TMEM43: variants seen among roughly 807,000 people sequenced by gnomAD.
TMEM43 encodes the protein arrhythmogenic right ventricular dysplasia 5.
A neutral mutation model predicts 49.6 loss-of-function variants in TMEM43; 45 were observed. That is an observed-to-expected ratio of 0.91 (90% CI 0.71 to 1.16). TMEM43 has a LOEUF of 1.16. TMEM43 is among the 50% of genes most tolerant of loss of function. TMEM43 has a pLI of 0.00. For missense variants in TMEM43, 532 were observed against 516.6 expected (o/e 1.03, Z -0.29); for synonymous variants, 199 against 207.8 (o/e 0.96, Z 0.36).
At chr3:14,140,201 T>C (rs549915726) in intron 11 of TMEM43, among the ~76,000 whole-genome samples, 1 of 152,348 alleles carries the variant, frequency 6.6e-6, no homozygotes, top group South Asian at 2.1e-4. Flanking sequence ...ACAGCTGAAT[T>C]GTGCTCAGAA....
intron 1 of TMEM43, 90 bp from the exon 2 acceptor site, chr3:14,129,307 TAAAAAAAAAAAAAAA>T: frequency 5.3e-6 from 2 of 378,884 alleles, no homozygotes; most frequent in Non-Finnish European, 8.2e-6. Flanking sequence ...CAGTTAAAAC[TAAAAAAAAAAAAAAA>T]AAAAAAAAAA....
intron 11 of TMEM43, among the ~76,000 whole-genome samples, chr3:14,139,740 A>G (rs1049498455): frequency 6.6e-5 from 10 of 152,160 alleles, no homozygotes; most frequent in African/African-American, 2.2e-4. Flanking sequence ...AATGTGGCAA[A>G]TAGGAAACAC....
At position 14,141,790 on chromosome 3, in the gene TMEM43, G is replaced by C; in HGVS notation, c.1198G>C (p.Glu400Gln). 1 of 1,613,150 alleles carries C rather than the reference G, an allele frequency of 6.2e-7. No homozygotes were observed. Among genetic ancestry groups the C allele is most frequent in the East Asian group, 2.2e-5 (1 of 44,884 alleles). Residue 400 changes from glutamate to glutamine, a missense_variant, in exon 12 of 12, where the codon GAG becomes CAG. Coordinates refer to ENST00000306077, the MANE Select transcript of TMEM43 (RefSeq NM_024334.3). ...GACACGGGTGCCAGCCAAAAAGTTG[G>C]AGTGAAAAGACCCTGGCACCCGCCC... ...ARTRVPAKKL[E>Q]
intron 10 of TMEM43, chr3:14,137,059 C>T (rs1433290268): frequency 2.0e-5 from 3 of 149,758 alleles, no homozygotes; most frequent in Non-Finnish European, 2.9e-5. Context: ...AGGCAGCAGA[C>T]AGGCATCAGG....
intron 3 of TMEM43, 70 bp from the exon 4 acceptor site, chr3:14,131,510 T>G: frequency 7.5e-7 from 1 of 1,334,028 alleles, no homozygotes; most frequent in Non-Finnish European, 1.1e-6. Context: ...CAGCTTCCCC[T>G]GAGCCAGGCT....
chr3:14,133,713 C>A, intron 6 of TMEM43, 26 bp from the exon 7 acceptor site: 1 of 1,612,574 alleles, frequency 6.2e-7, no homozygotes, highest in South Asian at 1.1e-5. Flanking sequence ...CGGTGCCCAT[C>A]TCTGACAGCT....
At chr3:14,139,982 C>CTT (rs1336943090) in intron 11 of TMEM43, among the ~76,000 whole-genome samples, 3 of 152,180 alleles carry the variant, frequency 2.0e-5, no homozygotes, top group African/African-American at 7.2e-5. Flanking sequence ...CCATCCAAGC[C>CTT]TTTCCCTGGT....
intron 11 of TMEM43, 106 bp from the exon 12 acceptor site, chr3:14,141,487 A>T (rs760998052): frequency 1.4e-5 from 15 of 1,086,590 alleles, no homozygotes; most frequent in Non-Finnish European, 2.1e-5. Context: ...TCCCCTCCTC[A>T]TGCATGTAGC....
intron 8 of TMEM43, 95 bp from the exon 9 acceptor site, chr3:14,135,063 G>A: frequency 6.7e-7 from 1 of 1,483,638 alleles, no homozygotes; most frequent in Non-Finnish European, 9.3e-7. Context: ...GTGGAGGTGG[G>A]AGAAGAGCCT....
intron 1 of TMEM43, among the ~76,000 whole-genome samples, chr3:14,126,066 CT>C (rs1387704711): frequency 6.6e-6 from 1 of 152,118 alleles, no homozygotes; most frequent in African/African-American, 2.4e-5. Context: ...CAGCTCTCCC[CT>C]TGCCTGTCAC....
At chr3:14,137,455 C>T (rs1485928767) in intron 10 of TMEM43, among the ~76,000 whole-genome samples, 1 of 152,170 alleles carries the variant, frequency 6.6e-6, no homozygotes. Flanking sequence ...GATGCTCAGG[C>T]GGCCTCCTTA....
intron 1 of TMEM43, chr3:14,128,744 T>A (rs577490995): frequency 3.1e-5 from 8 of 254,702 alleles, no homozygotes; most frequent in Admixed American, 1.1e-4. Flanking sequence ...AACGTACATC[T>A]TCTTCACGAG....
At chr3:14,137,897 CT>C (rs1454748371) in intron 10 of TMEM43, 1 of 152,210 alleles carries the variant, frequency 6.6e-6, no homozygotes, top group Non-Finnish European at 1.5e-5. Flanking sequence ...GTTTAGTTAA[CT>C]GCTTGAGGTG....
chr3:14,139,020 G>A (rs1324659109), intron 10 of TMEM43, among the ~76,000 whole-genome samples, 160 bp from the exon 11 acceptor site: 1 of 152,162 alleles, frequency 6.6e-6, no homozygotes, highest in Non-Finnish European at 1.5e-5. Context: ...CAGATGGGCA[G>A]AAGGACTTAG....
At position 14,142,407 on chromosome 3, in the gene TMEM43, A is replaced by G. The variant is rs1018955580; in HGVS notation, c.*612A>G. 8 of 156,892 alleles carry G rather than the reference A, an allele frequency of 5.1e-5. No individual in the cohort carries two copies. Among genetic ancestry groups the G allele is most frequent in the East Asian group, 3.8e-4 (2 of 5,306 alleles). 9.7% of individuals were successfully genotyped at this position (156,892 alleles called of 1,614,324 possible). On this transcript the variant is annotated 3_prime_UTR_variant, in exon 12 of 12. Coordinates refer to ENST00000306077, the MANE Select transcript of TMEM43 (RefSeq NM_024334.3). ...GATGTCCTGAGGAGAAAAGCTGGAC[A>G]TATACTGGGCTTCACACTTATCTTA...
intron 1 of TMEM43, among the ~76,000 whole-genome samples, chr3:14,127,643 T>A (rs1695037429): frequency 6.6e-6 from 1 of 152,232 alleles, no homozygotes; most frequent in Non-Finnish European, 1.5e-5. Context: ...GGCTTGCCTG[T>A]GGGCTGGCCT....
Position 14,143,389 on chromosome 3 carries a change from G to A in TMEM43, c.*1594G>A, listed in dbSNP as rs1030022091. 22 of 152,140 alleles carry A rather than the reference G, an allele frequency of 1.4e-4. No homozygotes were observed. Among genetic ancestry groups the A allele is most frequent in the Admixed American group, 1.4e-3 (22 of 15,272 alleles). 9.4% of individuals were successfully genotyped at this position (152,140 alleles called of 1,614,324 possible). On this transcript the variant is annotated 3_prime_UTR_variant, in exon 12 of 12. Transcript: ENST00000306077. ...CAGCCAGCCCAAGATGACTTATCTG[G>A]GTTTAGGATTCAATAGTATTCACTA...
intron 7 of TMEM43, 105 bp from the exon 8 acceptor site, chr3:14,134,665 G>A (rs942197559): frequency 1.0e-5 from 15 of 1,484,938 alleles, no homozygotes; most frequent in East Asian, 2.3e-5. Flanking sequence ...GGAGTGCCAC[G>A]TGTGCAGGCT....
Position 14,141,629 on chromosome 3 carries a change from T to C in TMEM43, c.1037T>C (p.Ile346Thr), listed in dbSNP as rs1286798674. The C allele has an allele frequency of 1.3e-5, 21 of 1,614,078 alleles. No homozygotes were observed. The highest frequency in any genetic ancestry group is 1.6e-4 in the Middle Eastern group (1 of 6,084). Residue 346 changes from isoleucine to threonine, a missense_variant, in exon 12 of 12, where the codon ATT becomes ACT. Coordinates refer to ENST00000306077, the MANE Select transcript of TMEM43 (RefSeq NM_024334.3). ...WFPVFRDLVNIGLKAFAFCVA... is the reference protein window; with the variant it reads ...WFPVFRDLVNTGLKAFAFCVA... ...CCTGTTTTCCGAGACCTGGTCAACA[T>C]TGGCCTGAAAGCCTTTGCCTTCTGT...
Sources: gnomAD v4.1 joint callset for allele counts (sites outside exome capture counted in the v4.1 genomes callset) on GRCh38, gnomAD v4.1.1 for gene constraint, MANE v1.5 for transcripts, NCBI Gene and HGNC (gene_info 2026-07-23, HGNC 2026-07-21) for gene names.